RPL35A: variants seen among roughly 807,000 people sequenced by gnomAD.
The protein encoded by RPL35A is ribosomal protein L35a.
Under a neutral mutation model 16.7 loss-of-function variants are expected in RPL35A, and 1 was observed. That is an observed-to-expected ratio of 0.06 (90% CI 0.02 to 0.28). The LOEUF (loss-of-function observed/expected upper bound fraction) is 0.28. Among genes scored for constraint, RPL35A ranks in the 10% least tolerant of loss-of-function variants. RPL35A has a pLI of 1.00. For synonymous variants in RPL35A, 58 were observed against 47.0 expected, an observed-to-expected ratio of 1.23 and a Z score of -0.96; for missense variants, 91 against 138.7, an observed-to-expected ratio of 0.66 and a Z score of 1.73.
At chr3:197,952,081 T>G (rs921610150) in intron 3 of RPL35A, among the ~76,000 whole-genome samples, 4 of 152,166 alleles carry the variant, frequency 2.6e-5, no homozygotes, top group African/African-American at 9.7e-5. Context: ...CTAATTTTTT[T>G]TCTCGGCTCC....
intron 1 of RPL35A, 124 bp downstream of exon 1, chr3:197,950,345 A>C: frequency 8.2e-7 from 1 of 1,223,836 alleles, no homozygotes; most frequent in African/African-American, 1.6e-5. Context: ...ACGGGTTTCA[A>C]GAAGAGGGAG....
At chr3:197,951,345 T>C (rs1232541792) in intron 3 of RPL35A, 34 bp downstream of exon 3, 1 of 1,609,054 alleles carries the variant, frequency 6.2e-7, no homozygotes, top group Non-Finnish European at 8.5e-7. Flanking sequence ...TTTGGGTTTT[T>C]GAGATCTGCC....
intron 2 of RPL35A, 55 bp from the exon 3 acceptor site, chr3:197,951,104 G>A: frequency 1.9e-6 from 3 of 1,612,226 alleles, no homozygotes; most frequent in Admixed American, 1.7e-5. Flanking sequence ...GTGATTACAA[G>A]TCAGATTGGT....
At chr3:197,954,389 A>G in intron 4 of RPL35A, 1 of 553,734 alleles carries the variant, frequency 1.8e-6, no homozygotes, top group Non-Finnish European at 3.2e-6. Flanking sequence ...GCTGGGGTGC[A>G]GTGGCATAAT....
rs1720491776 is a variant in RPL35A, at chr3:197,955,941, G to A, written c.*168G>A. 2 of 648,996 alleles carry A rather than the reference G, an allele frequency of 3.1e-6. No individual in the cohort carries two copies. Among genetic ancestry groups the A allele is most frequent in the Non-Finnish European group, 5.5e-6 (2 of 360,362 alleles). The allele number at this position is 648,996 out of a possible 1,614,324, so 40.2% of individuals were successfully genotyped here. ...AGAGACATGTGATGAAAATTACAGG[G>A]CGAGTACAGAGATTTAGAAGGGAAC... On this transcript the variant is annotated 3_prime_UTR_variant, in exon 5 of 5. Coordinates refer to ENST00000647248, the MANE Select transcript of RPL35A (RefSeq NM_000996.4).
At chr3:197,953,521 T>A (rs956166431) in intron 3 of RPL35A, 1 of 457,088 alleles carries the variant, frequency 2.2e-6, no homozygotes, top group African/African-American at 2.0e-5. Context: ...TCAGTCTTTC[T>A]TCCGGCCAGG....
Position 197,953,978 on chromosome 3 carries a change from C to T in RPL35A, c.165-25C>T, listed in dbSNP as rs748553811. On this transcript the variant is annotated intron_variant, in intron 3 of 4. Coordinates refer to ENST00000647248, the MANE Select transcript of RPL35A (RefSeq NM_000996.4). ...TATCCAACTATATCAGCTTGTATTC[C>T]TCTTCTTTCCCTTTTTAAAATCAGC... The T allele has an allele frequency of 1.5e-5, 24 of 1,611,766 alleles. No homozygotes were observed. In the Admixed American group the frequency reaches 3.7e-4, roughly 25 times the overall value.
At chr3:197,950,389 T>C in intron 1 of RPL35A, 168 bp downstream of exon 1, 1 of 1,157,202 alleles carries the variant, frequency 8.6e-7, no homozygotes, top group Non-Finnish European at 1.1e-6. Context: ...CTGATGGTGT[T>C]TGGTCCCCTG....
intron 1 of RPL35A, 50 bp downstream of exon 1, chr3:197,950,271 G>A (rs1345221020): frequency 4.1e-6 from 5 of 1,230,502 alleles, no homozygotes; most frequent in Non-Finnish European, 2.0e-6. Flanking sequence ...ACCGGAGTAG[G>A]TTTGTTCCTG....
chr3:197,953,366 C>T (rs560536586), intron 3 of RPL35A: 3 of 448,492 alleles, frequency 6.7e-6, no homozygotes, highest in African/African-American at 4.0e-5. Context: ...ACAAGACAAC[C>T]CCGTGGTCTT....
At chr3:197,953,823 G>C (rs1245439412) in intron 3 of RPL35A, 180 bp from the exon 4 acceptor site, 2 of 666,452 alleles carry the variant, frequency 3.0e-6, no homozygotes, top group Middle Eastern at 4.1e-4. Flanking sequence ...TTACAGAAGG[G>C]CCTGGCATAC....
Position 197,951,040 on chromosome 3 carries a change from T to G in RPL35A, c.11+62T>G, listed in dbSNP as rs1720027471. ...TTAGACGTGAACGTAAATGCGAGCT[T>G]AAAATTGGCAAGAAAAAACTTAGAT... is the stretch of plus-strand genomic sequence containing the variant. On this transcript the variant is annotated intron_variant, in intron 2 of 4. Coordinates refer to ENST00000647248, the MANE Select transcript of RPL35A (RefSeq NM_000996.4). 2.5e-6 allele frequency: 4 copies of G among 1,597,348 alleles called. No individual in the cohort carries two copies. In the Admixed American group the frequency reaches 5.0e-5, roughly 20 times the overall value.
chr3:197,954,168 A>G (rs751107004), intron 4 of RPL35A, 21 bp downstream of exon 4: 1 of 1,613,694 alleles, frequency 6.2e-7, no homozygotes, highest in South Asian at 1.1e-5. Context: ...TTTTTAGCAA[A>G]ATGGACGTCT....
chr3:197,951,105 T>G, intron 2 of RPL35A, 54 bp from the exon 3 acceptor site: 3 of 1,612,312 alleles, frequency 1.9e-6, no homozygotes, highest in South Asian at 1.1e-5. Flanking sequence ...TGATTACAAG[T>G]CAGATTGGTT....
rs1026434756 is a variant in RPL35A at position 197,950,219 on chromosome 3, G to T, written c.-35G>T. On this transcript the variant is annotated splice_region_variant and 5_prime_UTR_variant, in exon 1 of 5. Coordinates refer to ENST00000647248, the MANE Select transcript of RPL35A (RefSeq NM_000996.4). Reference sequence around the variant, plus strand: ...TCTTACCGCCATCTTGGCTCCTGTGGAGGTGAGTGAAGGGTCTGCTGCTGA... The same window carrying T: ...TCTTACCGCCATCTTGGCTCCTGTGTAGGTGAGTGAAGGGTCTGCTGCTGA... The T allele has an allele frequency of 6.3e-5, 78 of 1,231,272 alleles. No individual in the cohort carries two copies. Among genetic ancestry groups the T allele is most frequent in the Non-Finnish European group, 7.8e-5 (77 of 987,898 alleles). 76.3% of individuals were successfully genotyped at this position (1,231,272 alleles called of 1,614,324 possible). A position where few individuals can be genotyped will look rare whatever the true frequency, so the allele number is the denominator to read the frequency against.
At chr3:197,953,088 C>T (rs1012659632) in intron 3 of RPL35A, among the ~76,000 whole-genome samples, 7 of 152,228 alleles carry the variant, frequency 4.6e-5, no homozygotes, top group Non-Finnish European at 1.0e-4. Context: ...CGTGAGCCAT[C>T]GTGCCATTGC....
chr3:197,956,038 CA>C lies in RPL35A; in HGVS notation c.*266del. 2 of 453,962 alleles carry C rather than the reference CA, an allele frequency of 4.4e-6. No individual in the cohort carries two copies. Among genetic ancestry groups the C allele is most frequent in the Non-Finnish European group, 8.1e-6 (2 of 245,608 alleles). The allele number at this position is 453,962 out of a possible 1,614,324, so 28.1% of individuals were successfully genotyped here. On this transcript the variant is annotated 3_prime_UTR_variant, in exon 5 of 5. Transcript: ENST00000647248. ...TGCTGGAGTGTAGTGGTGCTCGCTG[CA>C]GCCTCACATTCAAAGGCTCAAGCAA... is the stretch of plus-strand genomic sequence containing the variant.
At chr3:197,951,347 A>T in intron 3 of RPL35A, 36 bp downstream of exon 3, 1 of 1,607,060 alleles carries the variant, frequency 6.2e-7, no homozygotes, top group Non-Finnish European at 8.5e-7. Flanking sequence ...TGGGTTTTTG[A>T]GATCTGCCTC....
rs1581111622 is a variant in RPL35A at position 197,956,551 on chromosome 3, GGCC to G, written c.*779_*781del. 1 of 151,648 alleles carries G rather than the reference GGCC, an allele frequency of 6.6e-6. No homozygotes were observed. 9.4% of individuals were successfully genotyped at this position (151,648 alleles called of 1,614,324 possible). A position where few individuals can be genotyped will look rare whatever the true frequency, so the allele number is the denominator to read the frequency against. ...AAAGTTCAAGATTGCACTTTAAGCA[GGCC>G]TCCTAAATATTTTAGATTTCTTGGG... On this transcript the variant is annotated 3_prime_UTR_variant, in exon 5 of 5. Transcript: ENST00000647248.
Sources: allele counts gnomAD v4.1 joint callset (sites outside exome capture counted in the v4.1 genomes callset), GRCh38; gene constraint gnomAD v4.1.1; transcripts MANE v1.5; gene names NCBI Gene and HGNC (gene_info 2026-07-23, HGNC 2026-07-21).